The following GPLD1 variants were observed in gnomAD, a reference collection of about 807,000 sequenced individuals.
GPLD1 encodes glycosylphosphatidylinositol specific phospholipase D1.
GPLD1 carries 84 observed loss-of-function variants against 112.6 expected under a neutral mutation model. The observed-to-expected ratio is 0.75, with a 90% CI of 0.63 to 0.89. The LOEUF (loss-of-function observed/expected upper bound fraction) is 0.89. Ranked by LOEUF, GPLD1 falls within the 40% of genes least tolerant of loss-of-function variation. The probability of loss-of-function intolerance (pLI) is 0.00; values close to 1 mark genes in which losing one functional copy is unlikely to be tolerated. For missense variants in GPLD1, 1,044 were observed against 1,051.5 expected, an observed-to-expected ratio of 0.99 and a Z score of 0.10; for synonymous variants, 386 against 403.8, an observed-to-expected ratio of 0.96 and a Z score of 0.53.
chr6:24,430,425 C>G (rs1477360326), intron 24 of GPLD1, among the ~76,000 whole-genome samples: 1 of 152,156 alleles, frequency 6.6e-6, no homozygotes, highest in Non-Finnish European at 1.5e-5. Context: ...TGTATTTTCC[C>G]ACCTAGACTA....
At chr6:24,456,386 ACT>A (rs1246984921) in intron 13 of GPLD1, 110 bp downstream of exon 13, 10 of 736,414 alleles carry the variant, frequency 1.4e-5, no homozygotes, top group East Asian at 2.8e-5. Flanking sequence ...GACAAGTGAG[ACT>A]CTGTCTCAAA....
chr6:24,491,633 G>A (rs1320237193), upstream of GPLD1, among the ~76,000 whole-genome samples: 1 of 151,970 alleles, frequency 6.6e-6, no homozygotes, highest in Non-Finnish European at 1.5e-5. Flanking sequence ...GCCTGTACCT[G>A]GGAAGTGAAG....
chr6:24,444,492 T>G (rs1488065285), intron 20 of GPLD1, among the ~76,000 whole-genome samples: 1 of 151,306 alleles, frequency 6.6e-6, no homozygotes, highest in Non-Finnish European at 1.5e-5. Flanking sequence ...GAAATGGTTC[T>G]TATTTATTTT....
intron 12 of GPLD1, among the ~76,000 whole-genome samples, chr6:24,459,258 T>A (rs1287360891): frequency 2.0e-5 from 3 of 151,986 alleles, no homozygotes; most frequent in African/African-American, 7.3e-5. Context: ...TATTTTTTTT[T>A]TGTTTTGTTT....
intron 5 of GPLD1, among the ~76,000 whole-genome samples, chr6:24,473,899 TG>T (rs1039319662): frequency 9.2e-5 from 14 of 151,372 alleles, no homozygotes; most frequent in Non-Finnish European, 1.9e-4. Context: ...TTGAGGCGGG[TG>T]GATCACCTGA....
chr6:24,485,800 A>T lies in GPLD1; in HGVS notation c.153+275T>A, dbSNP rs1278893088. ...TTCTCCTGCCTCAGCCTCCCGAATA[A>T]CTGGGATTACGGGCATGCACCACCA... On this transcript the variant is annotated intron_variant, in intron 2 of 24. Coordinates refer to ENST00000230036, the MANE Select transcript of GPLD1 (RefSeq NM_001503.4). Among the ~76,000 whole-genome samples the T allele has an allele frequency of 5.3e-5, 8 of 151,890 alleles. No homozygotes were observed. The East Asian group carries it at 1.5e-3, about 29-fold the overall frequency.
chr6:24,460,485 T>C lies in GPLD1; in HGVS notation c.888-86A>G, dbSNP rs1323249102. On this transcript the variant is annotated intron_variant, in intron 11 of 24. Coordinates refer to ENST00000230036, the MANE Select transcript of GPLD1 (RefSeq NM_001503.4). Reference sequence around the variant, plus strand: ...GAGTTGAAGAATATAGTCAAGTTAATCACAGGTTAAAAGACCACAAAATTT... The same window carrying C: ...GAGTTGAAGAATATAGTCAAGTTAACCACAGGTTAAAAGACCACAAAATTT... The C allele has an allele frequency of 2.1e-6, 3 of 1,432,318 alleles. No homozygotes were observed. The East Asian group carries it at 6.9e-5, about 33-fold the overall frequency. 88.7% of individuals were successfully genotyped at this position (1,432,318 alleles called of 1,614,324 possible).
chr6:24,467,194 T>C lies in GPLD1; in HGVS notation c.626A>G (p.Asp209Gly), dbSNP rs1173950437. The change falls in exon 8 of 25, where the codon GAT (aspartate) becomes GGT (glycine). Residue 209 changes from aspartate to glycine, a missense_variant. Physicochemically the swap from Asp to Gly is moderately conservative, Grantham distance 94. Transcript: ENST00000230036. ...RKVITENVIV[D>G]CSHIQFLEMY... ...TTCTAAGAACTGGATATGTGAACAATCAACGATTACATTTTCGGTGATGAC... is the reference window on the plus strand; with the variant it reads ...TTCTAAGAACTGGATATGTGAACAACCAACGATTACATTTTCGGTGATGAC... 2 of 1,600,080 alleles carry C rather than the reference T, an allele frequency of 1.2e-6. No individual in the cohort carries two copies. Among genetic ancestry groups the C allele is most frequent in the South Asian group, 2.2e-5 (2 of 90,790 alleles).
At chr6:24,445,919 C>A (rs1400349520) in intron 18 of GPLD1, 88 bp from the exon 19 acceptor site, 2 of 905,914 alleles carry the variant, frequency 2.2e-6, no homozygotes, top group African/African-American at 3.3e-5. Flanking sequence ...AAATGCACCT[C>A]CCCCCATCCA....
chr6:24,485,674 CTT>C, intron 2 of GPLD1, among the ~76,000 whole-genome samples: 1 of 149,226 alleles, frequency 6.7e-6, no homozygotes, highest in East Asian at 2.0e-4. Context: ...TAATGAGTCT[CTT>C]TTTTTTTTTT....
At chr6:24,450,610 C>T (rs1464599796) in intron 14 of GPLD1, among the ~76,000 whole-genome samples, 1 of 152,176 alleles carries the variant, frequency 6.6e-6, no homozygotes, top group African/African-American at 2.4e-5. Context: ...CCATGCTGAC[C>T]AAGGTGGTAG....
chr6:24,443,524 T>C (rs1481843814), intron 20 of GPLD1, among the ~76,000 whole-genome samples: 1 of 152,184 alleles, frequency 6.6e-6, no homozygotes, highest in East Asian at 1.9e-4. Flanking sequence ...TCAAATAGCC[T>C]CCAGTGGTAT....
intron 3 of GPLD1, among the ~76,000 whole-genome samples, chr6:24,476,832 T>C (rs1407594817): frequency 6.6e-6 from 1 of 152,150 alleles, no homozygotes; most frequent in African/African-American, 2.4e-5. Context: ...TAGCTCTTTA[T>C]TCCCACAAGA....
chr6:24,456,513 TA>T lies in GPLD1; in HGVS notation c.1132del (p.Tyr378MetfsTer8). The T allele has an allele frequency of 1.9e-6, 3 of 1,608,676 alleles. No individual in the cohort carries two copies. The highest frequency in any genetic ancestry group is 2.5e-6 in the Non-Finnish European group (3 of 1,176,826). ...PLASYFLSFPYARLGWAMTSA... is the reference protein window; with the variant it reads ...PLASYFLSFPXARLGWAMTSA... ...TTATACGTACCAGCCAAGCCTCGCA[TA>T]AGGAAATGACAAGAAGTAAGATGCT... On this transcript the variant is annotated frameshift_variant, in exon 13 of 25. Transcript: ENST00000230036. LOFTEE classifies it high-confidence loss of function.
At chr6:24,449,460 G>A (rs1763011294) in intron 15 of GPLD1, among the ~76,000 whole-genome samples, 1 of 152,150 alleles carries the variant, frequency 6.6e-6, no homozygotes, top group South Asian at 2.1e-4. Context: ...TCGCTGTTGT[G>A]ATAACCAGAA....
rs920271984 is a variant in GPLD1 at position 24,459,351 on chromosome 6, A to G, written c.1008+928T>C. On this transcript the variant is annotated intron_variant, in intron 12 of 24. Transcript: ENST00000230036. ...TCACTGCAACCTCTGCCTTCCAGGAACAAGTAGTCCTCCCACCTCAGCCTC... is the reference window on the plus strand; with the variant it reads ...TCACTGCAACCTCTGCCTTCCAGGAGCAAGTAGTCCTCCCACCTCAGCCTC... 2.0e-5 allele frequency among the ~76,000 whole-genome samples: 3 copies of G among 151,872 alleles called. No individual in the cohort carries two copies. The East Asian group carries it at 5.8e-4, about 29-fold the overall frequency.
chr6:24,491,117 C>T (rs1422384628), upstream of GPLD1, among the ~76,000 whole-genome samples: 1 of 152,188 alleles, frequency 6.6e-6, no homozygotes, highest in Non-Finnish European at 1.5e-5. Flanking sequence ...AAAGAGCCAG[C>T]TGCCCCCTGA....
intron 11 of GPLD1, among the ~76,000 whole-genome samples, chr6:24,460,737 T>C (rs12190897): frequency 0.29 from 41,142 of 140,244 alleles, 6,955 homozygotes; most frequent in Middle Eastern, 0.44. Context: ...GCAAGCATAC[T>C]GATTTTTTTT....
At chr6:24,481,635 G>A (rs1581786559) in intron 2 of GPLD1, among the ~76,000 whole-genome samples, 2 of 152,156 alleles carry the variant, frequency 1.3e-5, no homozygotes, top group East Asian at 3.9e-4. Context: ...AGCTAGTTCC[G>A]TTCACACCTT....
Sources: allele counts gnomAD v4.1 joint callset (sites outside exome capture counted in the v4.1 genomes callset), GRCh38; gene constraint gnomAD v4.1.1; transcripts MANE v1.5; gene names NCBI Gene and HGNC (gene_info 2026-07-23, HGNC 2026-07-21).